Variants in GLT8D1 observed in about 807,000 individuals in gnomAD.
The protein encoded by GLT8D1 is glycosyltransferase 8 domain-containing protein 1.
Under a neutral mutation model 46.2 loss-of-function variants are expected in GLT8D1, and 41 were observed. The ratio of observed to expected loss-of-function variants is 0.89; its 90% CI spans 0.69 to 1.15. GLT8D1 has a LOEUF of 1.15. GLT8D1 is among the 50% of genes most tolerant of loss of function. The pLI, the probability that GLT8D1 is intolerant of heterozygous loss-of-function variation, is 0.00. For synonymous variants in GLT8D1, 150 were observed against 154.2 expected (o/e 0.97, Z 0.20); for missense variants, 408 against 449.3 (o/e 0.91, Z 0.83).
chr3:52,695,527 C>T lies in GLT8D1; in HGVS notation c.706G>A (p.Ala236Thr), dbSNP rs369975378. The T allele has an allele frequency of 1.1e-5, 18 of 1,611,490 alleles. No homozygotes were observed. The highest frequency in any genetic ancestry group is 1.7e-5 in the Admixed American group (1 of 59,990). ...KERIRKLSMK[A>T]STCSFNPGVF... ...CCAGGATTAAATGAGCAAGTGCTGG[C>T]TTTCATGGAAAGCTTACGAATTCTT... Residue 236 changes from alanine to threonine, a missense_variant, in exon 8 of 10, where the codon GCC (alanine) becomes ACC (threonine). Physicochemically the swap from Ala to Thr is moderately conservative, Grantham distance 58. Transcript: ENST00000266014.
In GLT8D1 at chr3:52,695,473, T is replaced by G. The variant is rs745682543; in HGVS notation, c.760A>C (p.Lys254Gln). The G allele has an allele frequency of 1.2e-6, 2 of 1,613,924 alleles. No individual in the cohort carries two copies. Among genetic ancestry groups the G allele is most frequent in the East Asian group, 2.2e-5 (1 of 44,882 alleles). Residue 254 changes from lysine (K) to glutamine (Q), a missense_variant, in exon 8 of 10, where the codon AAA becomes CAA. Physicochemically the swap from Lys to Gln is moderately conservative, Grantham distance 53. Coordinates refer to ENST00000266014, the MANE Select transcript of GLT8D1 (RefSeq NM_018446.4). ...AGTTGGTTAGTTATATTCTGTCGTT[T>G]CCATTCCGTCAGGTTTGCAACAAAA... ...GVFVANLTEW[K>Q]RQNITNQLEK... is the part of the protein sequence containing the mutation.
At chr3:52,695,674 C>T in intron 7 of GLT8D1, 87 bp from the exon 8 acceptor site, 8 of 770,330 alleles carry the variant, frequency 1.0e-5, no homozygotes, top group Non-Finnish European at 1.3e-5. Context: ...AGCTGTTAAA[C>T]TGACTTCTTC....
intron 9 of GLT8D1, 68 bp from the exon 10 acceptor site, chr3:52,695,103 G>A (rs1181615274): frequency 1.4e-6 from 2 of 1,457,972 alleles, no homozygotes; most frequent in East Asian, 4.5e-5. Flanking sequence ...CTTACTTAAG[G>A]GAAACAAAGA....
chr3:52,694,982 G>C lies in GLT8D1; in HGVS notation c.979C>G (p.Leu327Val). The change falls in exon 10 of 10, where the codon CTC becomes GTC. Residue 327 changes from leucine (L) to valine (V), a missense_variant. Leu to Val is a conservative substitution (Grantham distance 32). Coordinates refer to ENST00000266014, the MANE Select transcript of GLT8D1 (RefSeq NM_018446.4). ...SPQFVKAAKL[L>V]HWNGHLKPWG... ...GGCTTCAAATGTCCATTCCAATGGAGTAACTTGGCAGCCTTTACAAACTGA... is the reference window on the plus strand; with the variant it reads ...GGCTTCAAATGTCCATTCCAATGGACTAACTTGGCAGCCTTTACAAACTGA... The C allele has an allele frequency of 6.2e-7, 1 of 1,612,178 alleles. No homozygotes were observed. Among genetic ancestry groups the C allele is most frequent in the Non-Finnish European group, 8.5e-7 (1 of 1,178,210 alleles).
Position 52,694,650 on chromosome 3 carries a change from G to GAGAC in GLT8D1, c.*191_*194dup. On this transcript the variant is annotated 3_prime_UTR_variant, in exon 10 of 10. Coordinates refer to ENST00000266014, the MANE Select transcript of GLT8D1 (RefSeq NM_018446.4). The stretch of plus-strand genomic sequence containing the variant: ...AAGAAAACACTTGGTAAGGCAGATG[G>GAGAC]AGACATATTTATAGTCTATAGTCTG... 1.6e-6 allele frequency: 1 copy of GAGAC among 623,096 alleles called. No homozygotes were observed. The highest frequency in any genetic ancestry group is 2.6e-5 in the Admixed American group (1 of 38,082). The allele number at this position is 623,096 out of a possible 1,614,324, so 38.6% of individuals were successfully genotyped here.
chr3:52,698,294 A>G (rs1327125182), intron 3 of GLT8D1, among the ~76,000 whole-genome samples: 1 of 152,216 alleles, frequency 6.6e-6, no homozygotes, highest in Non-Finnish European at 1.5e-5. Context: ...AACTAAATCA[A>G]TGTTTTTCAA....
At position 52,698,082 on chromosome 3, in the gene GLT8D1, C is replaced by A. The variant is rs538209427; in HGVS notation, c.116-148G>T. The A allele has an allele frequency of 1.8e-5, 11 of 613,936 alleles. No homozygotes were observed. In the Admixed American group the frequency reaches 3.1e-4, roughly 18 times the overall value. 38.0% of individuals were successfully genotyped at this position (613,936 alleles called of 1,614,324 possible). On this transcript the variant is annotated intron_variant, in intron 3 of 9. Coordinates refer to ENST00000266014, the MANE Select transcript of GLT8D1 (RefSeq NM_018446.4). ...TGAAGCATATAGCCCTGAAACTTTC[C>A]CTGTATGTAAATAAGCTTTTGGAAA...
intron 1 of GLT8D1, among the ~76,000 whole-genome samples, chr3:52,701,746 T>A (rs1035674703): frequency 6.6e-6 from 1 of 152,238 alleles, no homozygotes; most frequent in Admixed American, 6.5e-5. Flanking sequence ...GGTGTCTAAT[T>A]GTCACAATGT....
In GLT8D1 at chr3:52,694,808, T is replaced by G; in HGVS notation, c.*37A>C. The G allele has an allele frequency of 7.0e-7, 1 of 1,434,226 alleles. No homozygotes were observed. The highest frequency in any genetic ancestry group is 2.3e-5 in the East Asian group (1 of 44,068). The allele number at this position is 1,434,226 out of a possible 1,614,324, so 88.8% of individuals were successfully genotyped here. On this transcript the variant is annotated 3_prime_UTR_variant, in exon 10 of 10. Transcript: ENST00000266014. ...TCCCACGCATGCTATCTTCCAGGAC[T>G]TCCTGAGAAATGCTTGCTTACAGTT...
At chr3:52,695,129 G>GA in intron 9 of GLT8D1, 61 bp downstream of exon 9, 1 of 1,441,494 alleles carries the variant, frequency 6.9e-7, no homozygotes, top group Non-Finnish European at 9.8e-7. Flanking sequence ...CCCCATCCCT[G>GA]AGGATAGTTC....
chr3:52,698,666 AG>A lies in GLT8D1; in HGVS notation c.116-733del, dbSNP rs1182730882. Among the ~76,000 whole-genome samples, 11 of 151,852 alleles carry A rather than the reference AG, an allele frequency of 7.2e-5. 1 individual carries two copies. Among genetic ancestry groups the A allele is most frequent in the Admixed American group, 6.6e-4 (10 of 15,252 alleles). ...ACTGCACTCCAGCCTGGGCAGCAAT[AG>A]GAAAACTCCATCTCAAAAAAAAAAA... On this transcript the variant is annotated intron_variant, in intron 3 of 9. Transcript: ENST00000266014.
chr3:52,699,153 G>C (rs577094422), intron 3 of GLT8D1, among the ~76,000 whole-genome samples: 141 of 152,196 alleles, frequency 9.3e-4, no homozygotes, highest in Non-Finnish European at 1.6e-3. Flanking sequence ...AAACTGGAAG[G>C]TACTAAGCCA....
rs1463379011 is a variant in GLT8D1 at position 52,695,316 on chromosome 3, A to AAAAC, written c.813-18_813-15dup. 1 of 1,597,322 alleles carries AAAAC rather than the reference A, an allele frequency of 6.3e-7. No individual in the cohort carries two copies. Among genetic ancestry groups the AAAAC allele is most frequent in the Non-Finnish European group, 8.6e-7 (1 of 1,167,004 alleles). ...TACAGTCCCTCTCTTGGTGGGACAGAAAACAAATGTTTGTTAGTGAAAAGT... is the reference window on the plus strand; with the variant it reads ...TACAGTCCCTCTCTTGGTGGGACAGAAAACAAACAAATGTTTGTTAGTGAAAAGT... On this transcript the variant is annotated splice_polypyrimidine_tract_variant and intron_variant, in intron 8 of 9. Transcript: ENST00000266014.
intron 5 of GLT8D1, 52 bp from the exon 6 acceptor site, chr3:52,696,370 A>G (rs776107133): frequency 4.7e-6 from 6 of 1,268,582 alleles, no homozygotes; most frequent in Admixed American, 1.7e-5. Context: ...CTGTGCTTTT[A>G]TTTACACAGA....
At chr3:52,698,171 A>G (rs958816867) in intron 3 of GLT8D1, among the ~76,000 whole-genome samples, 1 of 152,250 alleles carries the variant, frequency 6.6e-6, no homozygotes, top group Non-Finnish European at 1.5e-5. Flanking sequence ...TAGGAAAATA[A>G]CAGAACCTGT....
In GLT8D1 at chr3:52,696,021, G is replaced by A; in HGVS notation, c.552C>T (p.Tyr184=). 2 of 1,602,700 alleles carry A rather than the reference G, an allele frequency of 1.2e-6. No individual in the cohort carries two copies. Among genetic ancestry groups the A allele is most frequent in the South Asian group, 2.2e-5 (2 of 90,788 alleles). Residue 184 remains tyrosine, a synonymous_variant, in exon 7 of 10, where the codon TAC becomes TAT. Transcript: ENST00000266014. ...CATGTCCTGGCTTCAGTGCTGTATT[G>A]TAAAGGGCAAGAATATCACCTGAAA... ...VIVQGDILAL[Y]NTALKPGHAA...
Position 52,704,454 on chromosome 3 carries a change from G to C in GLT8D1, c.-37+993C>G, listed in dbSNP as rs1442684427. Among the ~76,000 whole-genome samples the C allele has an allele frequency of 6.8e-5, 6 of 88,166 alleles. No homozygotes were observed. In the South Asian group the frequency reaches 1.1e-3, roughly 17 times the overall value. The allele number at this position is 88,166 out of a possible 152,430, so 57.8% of individuals were successfully genotyped here. A position where few individuals can be genotyped will look rare whatever the true frequency, so the allele number is the denominator to read the frequency against. ...AGCCTGGGCAACAGAGCGAGTCTTC[G>C]CCTCAAAAAAAAAAAAAAAAAAAAA... is the stretch of plus-strand genomic sequence containing the variant. On this transcript the variant is annotated intron_variant, in intron 1 of 9. Transcript: ENST00000266014.
chr3:52,699,022 CATTAAG>C (rs980494894), intron 3 of GLT8D1, among the ~76,000 whole-genome samples: 7 of 151,530 alleles, frequency 4.6e-5, no homozygotes, highest in Admixed American at 1.3e-4. Flanking sequence ...AATTAATAGA[CATTAAG>C]ATTATGTATG....
rs1302878380 is a variant in GLT8D1 at position 52,695,590 on chromosome 3, A to G, written c.646-3T>C. The G allele has an allele frequency of 6.4e-7, 1 of 1,557,632 alleles. No homozygotes were observed. The highest frequency in any genetic ancestry group is 8.9e-7 in the Non-Finnish European group (1 of 1,129,588). ...TCAAGATAGCCAATGTAATTGTACT[A>G]AAAACACAAATAGGATATATGTACT... On this transcript the variant is annotated splice_polypyrimidine_tract_variant and splice_region_variant and intron_variant, in intron 7 of 9. Transcript: ENST00000266014.
Sources: allele counts gnomAD v4.1 joint callset (sites outside exome capture counted in the v4.1 genomes callset), GRCh38; gene constraint gnomAD v4.1.1; transcripts MANE v1.5; gene names NCBI Gene and HGNC (gene_info 2026-07-23, HGNC 2026-07-21).